TSPAN5: variants seen among roughly 807,000 people sequenced by gnomAD.
TSPAN5 encodes the protein tetraspanin 5, also known as tetraspanin-5.
A neutral mutation model predicts 37.1 loss-of-function variants in TSPAN5; 10 were observed. The observed-to-expected ratio is 0.27, with a 90% CI of 0.17 to 0.46. The LOEUF is 0.46. Ranked by LOEUF, TSPAN5 falls within the 20% of genes least tolerant of loss-of-function variation. TSPAN5 has a pLI of 1.00. For synonymous variants in TSPAN5, 110 were observed against 118.9 expected (o/e 0.93, Z 0.48); for missense variants, 195 against 326.6 (o/e 0.60, Z 3.11).
At chr4:98,617,419 G>A (rs1027976916) in intron 1 of TSPAN5, among the ~76,000 whole-genome samples, 14 of 152,076 alleles carry the variant, frequency 9.2e-5, no homozygotes, top group African/African-American at 3.4e-4. Context: ...ATTCCAAAAA[G>A]GTATCAGAGG....
At chr4:98,559,382 ATCTT>A (rs910836996) in intron 1 of TSPAN5, among the ~76,000 whole-genome samples, 3 of 152,234 alleles carry the variant, frequency 2.0e-5, no homozygotes, top group Non-Finnish European at 2.9e-5. Context: ...AAAAGTTAGT[ATCTT>A]TATTTATCTC....
chr4:98,655,662 C>CTACTCCCA lies in TSPAN5; in HGVS notation c.81+2483_81+2484insTGGGAGTA, dbSNP rs746050710. ...TAATTGTATGGGAGTAGCACCGAGTCTGCTGTTTTTGGCAATCACAGACAG... is the reference window on the plus strand; with the variant it reads ...TAATTGTATGGGAGTAGCACCGAGTCTACTCCCATGCTGTTTTTGGCAATCACAGACAG... On this transcript the variant is annotated intron_variant, in intron 1 of 7. Coordinates refer to ENST00000305798, the MANE Select transcript of TSPAN5 (RefSeq NM_005723.4). 4.2e-3 allele frequency among the ~76,000 whole-genome samples: 640 copies of CTACTCCCA among 152,322 alleles called. 3 individuals are homozygous for CTACTCCCA. Among genetic ancestry groups the CTACTCCCA allele is most frequent in the Non-Finnish European group, 7.8e-3 (530 of 68,028 alleles).
chr4:98,565,077 G>T (rs1754971056), intron 1 of TSPAN5, among the ~76,000 whole-genome samples: 1 of 152,076 alleles, frequency 6.6e-6, no homozygotes, highest in African/African-American at 2.4e-5. Flanking sequence ...CCCACTACCT[G>T]CCACCTACAA....
chr4:98,518,140 C>T (rs1055993926), intron 1 of TSPAN5, among the ~76,000 whole-genome samples: 4 of 151,442 alleles, frequency 2.6e-5, no homozygotes, highest in African/African-American at 9.7e-5. Context: ...AGTGATCCTC[C>T]CCCCTTTAGC....
At chr4:98,495,827 C>T (rs771982277) in intron 2 of TSPAN5, among the ~76,000 whole-genome samples, 8 of 151,796 alleles carry the variant, frequency 5.3e-5, no homozygotes, top group African/African-American at 1.9e-4. Context: ...AGCTTCTTCT[C>T]GCAACCCACA....
intron 1 of TSPAN5, among the ~76,000 whole-genome samples, chr4:98,613,998 T>G (rs760666062): frequency 6.6e-6 from 1 of 152,130 alleles, no homozygotes; most frequent in African/African-American, 2.4e-5. Context: ...CCTCTCCTTA[T>G]TTCTGGAACT....
intron 1 of TSPAN5, among the ~76,000 whole-genome samples, chr4:98,625,180 A>G (rs1579039477): frequency 6.6e-6 from 1 of 152,372 alleles, no homozygotes; most frequent in East Asian, 1.9e-4. Flanking sequence ...CTGGAACGCT[A>G]AGCATGTGGG....
chr4:98,517,014 G>A (rs936442190), intron 1 of TSPAN5, among the ~76,000 whole-genome samples: 1 of 152,092 alleles, frequency 6.6e-6, no homozygotes, highest in Non-Finnish European at 1.5e-5. Context: ...CCCAGTCTCG[G>A]GTATTCTATT....
chr4:98,555,339 C>A (rs1316009178), intron 1 of TSPAN5, among the ~76,000 whole-genome samples: 1 of 152,148 alleles, frequency 6.6e-6, no homozygotes, highest in Non-Finnish European at 1.5e-5. Flanking sequence ...CGTCAATCAT[C>A]CTGCTAATTG....
At chr4:98,628,629 C>A (rs565505126) in intron 1 of TSPAN5, among the ~76,000 whole-genome samples, 20 of 152,314 alleles carry the variant, frequency 1.3e-4, no homozygotes, top group African/African-American at 4.8e-4. Flanking sequence ...ATAGGCATGG[C>A]AGAAGCATTG....
intron 1 of TSPAN5, among the ~76,000 whole-genome samples, chr4:98,537,591 G>GT (rs1376684890): frequency 6.6e-6 from 1 of 152,198 alleles, no homozygotes; most frequent in Admixed American, 6.5e-5. Context: ...GGACTCTAAG[G>GT]TGTAATGAGC....
intron 1 of TSPAN5, among the ~76,000 whole-genome samples, chr4:98,619,310 A>G (rs977561454): frequency 2.0e-5 from 3 of 152,212 alleles, no homozygotes; most frequent in African/African-American, 4.8e-5. Flanking sequence ...GCTCTCAGAC[A>G]TCTCGTGCAG....
intron 1 of TSPAN5, among the ~76,000 whole-genome samples, chr4:98,517,624 A>G (rs566939176): frequency 7.9e-5 from 12 of 152,158 alleles, no homozygotes; most frequent in Admixed American, 7.2e-4. Context: ...TTTGGCAAGG[A>G]CTAGTCATCT....
intron 1 of TSPAN5, among the ~76,000 whole-genome samples, chr4:98,616,535 G>T (rs755394487): frequency 6.6e-6 from 1 of 152,104 alleles, no homozygotes; most frequent in Non-Finnish European, 1.5e-5. Context: ...CCCAAGAGGC[G>T]CTGGATGGCA....
chr4:98,589,407 C>A (rs182557121), intron 1 of TSPAN5, among the ~76,000 whole-genome samples: 9 of 152,192 alleles, frequency 5.9e-5, no homozygotes, highest in African/African-American at 1.7e-4. Context: ...GAGAAGAGGC[C>A]GGAAATACTC....
chr4:98,501,986 G>A (rs1411251808), intron 2 of TSPAN5, among the ~76,000 whole-genome samples: 6 of 152,176 alleles, frequency 3.9e-5, no homozygotes, highest in East Asian at 3.8e-4. Flanking sequence ...GTATAACAGC[G>A]GAGGTGGTGG....
intron 1 of TSPAN5, among the ~76,000 whole-genome samples, chr4:98,524,394 TG>T (rs1340121478): frequency 6.6e-6 from 1 of 152,192 alleles, no homozygotes; most frequent in East Asian, 1.9e-4. Context: ...GCCCACAGTT[TG>T]CCCTTGAGCC....
intron 6 of TSPAN5, 48 bp downstream of exon 6, chr4:98,476,365 C>G (rs1264856248): frequency 6.2e-7 from 1 of 1,613,782 alleles, no homozygotes; most frequent in Non-Finnish European, 8.5e-7. Flanking sequence ...CAGGCCAAAG[C>G]TCCTCCAACA....
At chr4:98,598,478 A>G (rs1302447491) in intron 1 of TSPAN5, among the ~76,000 whole-genome samples, 2 of 148,888 alleles carry the variant, frequency 1.3e-5, no homozygotes, top group Non-Finnish European at 3.0e-5. Context: ...TTTTTTTTTG[A>G]GACAGTGTTT....
Sources: gnomAD v4.1 joint callset for allele counts (sites outside exome capture counted in the v4.1 genomes callset) on GRCh38, gnomAD v4.1.1 for gene constraint, MANE v1.5 for transcripts, NCBI Gene and HGNC (gene_info 2026-07-23, HGNC 2026-07-21) for gene names.